The following MAPK10 variants were observed in gnomAD, a reference collection of about 807,000 sequenced individuals.
MAPK10 encodes mitogen-activated protein kinase 10, also known as JNK3 alpha protein kinase.
Under a neutral mutation model 59.3 loss-of-function variants are expected in MAPK10, and 25 were observed. That is an observed-to-expected ratio of 0.42 (90% CI 0.31 to 0.59). The LOEUF (loss-of-function observed/expected upper bound fraction) is 0.59, where lower values mean the gene tolerates loss of function less well. Among genes scored for constraint, MAPK10 ranks in the 20% least tolerant of loss-of-function variants. The probability of loss-of-function intolerance (pLI) is 0.15; values close to 1 mark genes in which losing one functional copy is unlikely to be tolerated. For missense variants in MAPK10, 351 were observed against 568.9 expected, an observed-to-expected ratio of 0.62 and a Z score of 3.90; for synonymous variants, 190 against 200.5, an observed-to-expected ratio of 0.95 and a Z score of 0.44.
At chr4:86,587,563 C>T (rs1025353446) in intron 1 of MAPK10, among the ~76,000 whole-genome samples, 11 of 152,158 alleles carry the variant, frequency 7.2e-5, no homozygotes, top group Non-Finnish European at 1.0e-4. Context: ...TGCTTCTCAC[C>T]TGGGCAACGT....
upstream of MAPK10, among the ~76,000 whole-genome samples, chr4:86,456,537 A>C (rs1046192722): frequency 6.6e-6 from 1 of 152,184 alleles, no homozygotes; most frequent in Non-Finnish European, 1.5e-5. Flanking sequence ...ACCTTTATGC[A>C]CATAAACTAG....
intron 1 of MAPK10, among the ~76,000 whole-genome samples, chr4:86,525,412 C>G (rs945533859): frequency 2.6e-5 from 4 of 152,158 alleles, no homozygotes; most frequent in African/African-American, 9.7e-5. Flanking sequence ...ATTCACGTTA[C>G]CTAGATTTTA....
chr4:86,068,826 C>T (rs1302485398), intron 9 of MAPK10, among the ~76,000 whole-genome samples: 1 of 152,036 alleles, frequency 6.6e-6, no homozygotes, highest in Non-Finnish European at 1.5e-5. Context: ...CATTAATATT[C>T]GATATATCAG....
At chr4:86,101,012 C>G (rs779338252) in intron 8 of MAPK10, 40 bp downstream of exon 8, 2 of 1,591,114 alleles carry the variant, frequency 1.3e-6, no homozygotes, top group African/African-American at 2.7e-5. Context: ...GCACCCGTTT[C>G]ATTCATGGTT....
Position 86,064,284 on chromosome 4 carries a change from G to T in MAPK10, c.1092C>A (p.Asp364Glu). Residue 364 changes from aspartate (D) to glutamate (E), a missense_variant, in exon 11 of 14, where the codon GAC (aspartate) becomes GAA (glutamate). Asp to Glu is a conservative substitution (Grantham distance 45, BLOSUM62 2). Around this residue, in one of 5 missense-constraint regions of MAPK10, gnomAD observed 155 missense variants for 204.2 expected, o/e 0.76. Coordinates refer to ENST00000641462, the MANE Select transcript of MAPK10 (RefSeq NM_138982.4). Reference sequence around the variant, plus strand: ...TTCTTACCGCCTCCACTTCGGCTGGGTCATACCAGACGTTGATGTAGGGAT... The same window carrying T: ...TTCTTACCGCCTCCACTTCGGCTGGTTCATACCAGACGTTGATGTAGGGAT... Reference protein sequence around the residue: ...LQHPYINVWYDPAEVEAPPPQ... With the variant: ...LQHPYINVWYEPAEVEAPPPQ... 1.2e-6 allele frequency: 2 copies of T among 1,614,146 alleles called. No homozygotes were observed. The highest frequency in any genetic ancestry group is 1.7e-6 in the Non-Finnish European group (2 of 1,180,018).
chr4:86,061,775 C>T (rs2045807822), intron 11 of MAPK10, among the ~76,000 whole-genome samples: 1 of 152,038 alleles, frequency 6.6e-6, no homozygotes, highest in Non-Finnish European at 1.5e-5. Flanking sequence ...AATTTCCTTC[C>T]CTCCCTAACA....
At chr4:86,586,431 G>A (rs1023246339) in intron 1 of MAPK10, among the ~76,000 whole-genome samples, 4 of 152,076 alleles carry the variant, frequency 2.6e-5, no homozygotes, top group Non-Finnish European at 5.9e-5. Flanking sequence ...ATCGAAACTG[G>A]CTTCCCCTCT....
intron 1 of MAPK10, among the ~76,000 whole-genome samples, chr4:86,461,761 G>A (rs546070623): frequency 2.0e-5 from 3 of 152,276 alleles, no homozygotes; most frequent in African/African-American, 7.2e-5. Flanking sequence ...GAAAAAGAGT[G>A]GCCTGACCCT....
chr4:86,230,120 A>G (rs2091324132), intron 2 of MAPK10, among the ~76,000 whole-genome samples: 1 of 152,210 alleles, frequency 6.6e-6, no homozygotes, highest in African/African-American at 2.4e-5. Flanking sequence ...AGATCTGAAA[A>G]TAATCAATCA....
At chr4:86,074,345 C>CCAATTTG (rs2048741736) in intron 9 of MAPK10, among the ~76,000 whole-genome samples, 2 of 150,010 alleles carry the variant, frequency 1.3e-5, no homozygotes. Context: ...GACTCTTTAT[C>CCAATTTG]CAATTTGCCA....
chr4:86,143,791 C>T (rs2064181976), intron 4 of MAPK10, among the ~76,000 whole-genome samples: 1 of 152,102 alleles, frequency 6.6e-6, no homozygotes, highest in African/African-American at 2.4e-5. Flanking sequence ...TGAGGAAATA[C>T]ACATGAAATA....
intron 1 of MAPK10, among the ~76,000 whole-genome samples, chr4:86,593,046 A>G (rs72870617): frequency 0.013 from 1,912 of 152,332 alleles, 39 homozygotes; most frequent in African/African-American, 0.043. Flanking sequence ...TTCAATGCAT[A>G]CTTGTAAGGC....
rs1439761426 is a variant in MAPK10 at position 86,140,446 on chromosome 4, C to T, written c.236+18852G>A. Among the ~76,000 whole-genome samples the T allele has an allele frequency of 1.4e-5, 2 of 144,610 alleles. 1 individual carries two copies. The highest frequency in any genetic ancestry group is 5.6e-5 in the African/African-American group (2 of 35,858). The allele number at this position is 144,610 out of a possible 152,430, so 94.9% of individuals were successfully genotyped here. A position where few individuals can be genotyped will look rare whatever the true frequency, so the allele number is the denominator to read the frequency against. ...ACTATTGCGAGGACAAAAAACCAAA[C>T]ACCGCATGTTCTCACTCATGGGTGG... is the stretch of plus-strand genomic sequence containing the variant. On this transcript the variant is annotated intron_variant, in intron 4 of 13. Coordinates refer to ENST00000641462, the MANE Select transcript of MAPK10 (RefSeq NM_138982.4).
intron 4 of MAPK10, among the ~76,000 whole-genome samples, chr4:86,157,091 T>C (rs1182756918): frequency 6.6e-6 from 1 of 152,072 alleles, no homozygotes. Flanking sequence ...AGTATAGTAA[T>C]AACTTCTTTT....
intron 1 of MAPK10, among the ~76,000 whole-genome samples, chr4:86,402,159 G>A (rs1434900454): frequency 6.6e-6 from 1 of 152,040 alleles, no homozygotes; most frequent in East Asian, 1.9e-4. Context: ...GTCTAGAGCT[G>A]CTAAGAGGAC....
chr4:86,288,255 T>A (rs934671977), intron 2 of MAPK10, among the ~76,000 whole-genome samples: 2 of 151,844 alleles, frequency 1.3e-5, no homozygotes, highest in Non-Finnish European at 2.9e-5. Context: ...ACATGTGCCA[T>A]GCTGGTGTGC....
At chr4:86,306,182 T>A (rs2095564872) in intron 2 of MAPK10, among the ~76,000 whole-genome samples, 1 of 152,202 alleles carries the variant, frequency 6.6e-6, no homozygotes, top group Non-Finnish European at 1.5e-5. Context: ...CCATTAAACG[T>A]TAGCAAAATT....
chr4:86,234,492 T>G (rs1394029226), intron 2 of MAPK10, among the ~76,000 whole-genome samples: 1 of 152,088 alleles, frequency 6.6e-6, no homozygotes, highest in East Asian at 1.9e-4. Context: ...TACTATCATA[T>G]CTCAGGTACT....
chr4:86,463,410 AG>A (rs1461986926), intron 1 of MAPK10, among the ~76,000 whole-genome samples: 2 of 152,244 alleles, frequency 1.3e-5, no homozygotes, highest in Non-Finnish European at 2.9e-5. Context: ...AGACTTATGT[AG>A]GGCAAGCAAT....
Sources: allele counts gnomAD v4.1 joint callset (sites outside exome capture counted in the v4.1 genomes callset), GRCh38; gene constraint gnomAD v4.1.1; regional missense constraint gnomAD v4.1.1; transcripts MANE v1.5; gene names NCBI Gene and HGNC (gene_info 2026-07-23, HGNC 2026-07-21).